Variants in RP1 observed in about 807,000 individuals in gnomAD.
The protein encoded by RP1 is oxygen-regulated protein 1.
A neutral mutation model predicts 14.8 loss-of-function variants in RP1; 16 were observed. The observed-to-expected ratio is 1.08, with a 90% CI of 0.73 to 1.65. The LOEUF (loss-of-function observed/expected upper bound fraction) is 1.65, where lower values mean the gene tolerates loss of function less well. Among genes scored for constraint, RP1 ranks in the 40% most tolerant of loss-of-function variants. The pLI is 0.00. For missense variants in RP1, 2,631 were observed against 2,535.0 expected, an observed-to-expected ratio of 1.04 and a Z score of -0.81; for synonymous variants, 876 against 883.6, an observed-to-expected ratio of 0.99 and a Z score of 0.15.
chr8:54,758,123 G>C (rs1809553856), intron 21 of RP1, among the ~76,000 whole-genome samples: 1 of 152,144 alleles, frequency 6.6e-6, no homozygotes, highest in African/African-American at 2.4e-5. Context: ...TTACCATAGA[G>C]TAGCAGTAGC....
At chr8:54,597,390 C>T (rs1805174339) in intron 1 of RP1, among the ~76,000 whole-genome samples, 1 of 151,982 alleles carries the variant, frequency 6.6e-6, no homozygotes, top group African/African-American at 2.4e-5. Context: ...ATTATTATTA[C>T]AGCATTTTTA....
At chr8:54,610,360 A>G (rs1346908779) in intron 1 of RP1, among the ~76,000 whole-genome samples, 1 of 152,004 alleles carries the variant, frequency 6.6e-6, no homozygotes, top group Non-Finnish European at 1.5e-5. Flanking sequence ...TTGGGATCTG[A>G]TCTTGCACCA....
intron 24 of RP1, among the ~76,000 whole-genome samples, chr8:54,795,257 T>A (rs972769216): frequency 6.6e-6 from 1 of 152,174 alleles, no homozygotes; most frequent in South Asian, 2.1e-4. Flanking sequence ...AAAATCAGTA[T>A]CTTGAAGAGA....
Position 54,627,817 on chromosome 8 carries a change from A to T in RP1, c.3935A>T (p.Asp1312Val). Residue 1312 changes from aspartate (D) to valine (V), a missense_variant, in exon 4 of 4, where the codon GAT becomes GTT. Physicochemically the swap from Asp to Val is radical, Grantham distance 152. Coordinates refer to ENST00000220676, the MANE Select transcript of RP1 (RefSeq NM_006269.2). ...VCSLTDTVFS[D>V]KACAQKENHT... ...TCACTTACTGATACTGTGTTTTCTG[A>T]TAAGGCTTGTGCTCAAAAGGAGAAC... The T allele has an allele frequency of 6.2e-7, 1 of 1,614,174 alleles. No individual in the cohort carries two copies. Among genetic ancestry groups the T allele is most frequent in the Non-Finnish European group, 8.5e-7 (1 of 1,179,986 alleles).
intron 23 of RP1, among the ~76,000 whole-genome samples, chr8:54,779,666 G>A (rs540654697): frequency 3.9e-5 from 6 of 152,266 alleles, no homozygotes; most frequent in South Asian, 4.1e-4. Context: ...TAACTCAACC[G>A]TGCTTTCCTG....
intron 3 of RP1, among the ~76,000 whole-genome samples, chr8:54,639,361 G>T (rs1265560157): frequency 6.6e-6 from 1 of 152,096 alleles, no homozygotes; most frequent in African/African-American, 2.4e-5. Flanking sequence ...GGTTATTATG[G>T]ATATAAGTTA....
chr8:54,719,482 TA>T (rs1217268764), intron 15 of RP1, among the ~76,000 whole-genome samples: 4 of 152,212 alleles, frequency 2.6e-5, no homozygotes, highest in African/African-American at 9.6e-5. Context: ...CAAAAGTCAT[TA>T]GTTGGGACTG....
chr8:54,687,557 G>A (rs190803355), intron 12 of RP1, among the ~76,000 whole-genome samples: 12 of 152,096 alleles, frequency 7.9e-5, no homozygotes, highest in East Asian at 1.9e-4. Flanking sequence ...GAAAACATGC[G>A]GTGTTTGGTT....
exon 1 of RP1, chr8:54,559,271 A>T (rs1017703129): frequency 6.6e-6 from 1 of 152,184 alleles, no homozygotes; most frequent in African/African-American, 2.4e-5. Flanking sequence ...CTTCATTAAG[A>T]TATTCTAGAA....
At chr8:54,720,363 A>T in intron 16 of RP1, 1 of 1,397,348 alleles carries the variant, frequency 7.2e-7, no homozygotes, top group Non-Finnish European at 9.5e-7. Flanking sequence ...GTTTGTGTAC[A>T]GTGTCTGAAA....
intron 1 of RP1, among the ~76,000 whole-genome samples, chr8:54,596,816 T>C (rs1167988641): frequency 1.3e-5 from 2 of 152,224 alleles, no homozygotes; most frequent in Non-Finnish European, 2.9e-5. Flanking sequence ...CTCCTTGCCT[T>C]CTACAACCAA....
In RP1 at chr8:54,630,209, C is replaced by A. The variant is rs1371811798; in HGVS notation, c.6327C>A (p.Cys2109Ter). The change falls in exon 4 of 4, where the codon TGC (cysteine) becomes TGA (stop). Residue 2109 changes from cysteine to a stop codon, truncating the protein, a stop_gained. Coordinates refer to ENST00000220676, the MANE Select transcript of RP1 (RefSeq NM_006269.2). LOFTEE classifies it low-confidence loss of function (END_TRUNC). Reference sequence around the variant, plus strand: ...GTCAAGCTTGCCTCTTAGATATTTGCCAAGTTGAGACCTCCTTAAATATTA... The same window carrying A: ...GTCAAGCTTGCCTCTTAGATATTTGACAAGTTGAGACCTCCTTAAATATTA... ...MLGQACLLDI[C>*]QVETSLNISN... 4.3e-6 allele frequency: 7 copies of A among 1,613,568 alleles called. No homozygotes were observed. Among genetic ancestry groups the A allele is most frequent in the Middle Eastern group, 1.7e-4 (1 of 6,058 alleles).
intron 24 of RP1, among the ~76,000 whole-genome samples, chr8:54,793,804 A>C (rs1810521874): frequency 6.6e-6 from 1 of 151,966 alleles, no homozygotes; most frequent in East Asian, 1.9e-4. Flanking sequence ...TCTATTTAAC[A>C]TAGTACTGGA....
chr8:54,580,426 C>T (rs1247556396), intron 1 of RP1, among the ~76,000 whole-genome samples: 1 of 150,256 alleles, frequency 6.7e-6, no homozygotes, highest in Non-Finnish European at 1.5e-5. Context: ...CCTGCCCCAG[C>T]CTCCAGAGTA....
In RP1 at chr8:54,788,041, T is replaced by C. The variant is rs1030654676; in HGVS notation, c.3615+4331T>C. ...AAAGTATAAAACACTCTTATCATTA[T>C]GCTCTTTAGGCTGACTCTTATGATC... On this transcript the variant is annotated intron_variant, in intron 24 of 28. Coordinates refer to the RP1 transcript ENST00000637698. 7.9e-5 allele frequency among the ~76,000 whole-genome samples: 12 copies of C among 152,346 alleles called. No homozygotes were observed. In the Middle Eastern group the frequency reaches 0.01, roughly 130 times the overall value.
intron 1 of RP1, among the ~76,000 whole-genome samples, chr8:54,590,952 A>G (rs1805032290): frequency 6.6e-6 from 1 of 152,158 alleles, no homozygotes; most frequent in Non-Finnish European, 1.5e-5. Context: ...TCATACCCAA[A>G]CCTAAAGGTT....
intron 1 of RP1, among the ~76,000 whole-genome samples, chr8:54,595,364 C>T (rs1805119003): frequency 1.3e-5 from 2 of 152,070 alleles, no homozygotes; most frequent in Admixed American, 1.3e-4. Flanking sequence ...CTCCTGACCT[C>T]GTGATCCGCC....
At chr8:54,684,548 G>A (rs1182436687) in intron 12 of RP1, among the ~76,000 whole-genome samples, 1 of 151,996 alleles carries the variant, frequency 6.6e-6, no homozygotes, top group Admixed American at 6.6e-5. Context: ...GCGGGGGTGT[G>A]TGCATCCAGG....
At chr8:54,576,476 A>G (rs16920555) in intron 1 of RP1, among the ~76,000 whole-genome samples, 2,309 of 152,322 alleles carry the variant, frequency 0.015, 48 homozygotes, top group African/African-American at 0.046. Flanking sequence ...AACCTAATTT[A>G]TATCGAGCCT....
Sources: allele counts gnomAD v4.1 joint callset (sites outside exome capture counted in the v4.1 genomes callset), GRCh38; gene constraint gnomAD v4.1.1; transcripts MANE v1.5; gene names NCBI Gene and HGNC (gene_info 2026-07-23, HGNC 2026-07-21).